The following TENM2 variants were observed in gnomAD, a reference collection of about 807,000 sequenced individuals.
TENM2 encodes teneurin transmembrane protein 2.
In TENM2, 52 loss-of-function variants were observed where a neutral mutation model predicts 245.2. That is an observed-to-expected ratio of 0.21 (90% CI 0.17 to 0.27). The LOEUF (loss-of-function observed/expected upper bound fraction) is 0.27, where lower values mean the gene tolerates loss of function less well. Among genes scored for constraint, TENM2 ranks in the 10% least tolerant of loss-of-function variants. The pLI is 1.00. For synonymous variants in TENM2, 1,363 were observed against 1,438.9 expected (o/e 0.95, Z 1.19); for missense variants, 3,046 against 3,666.8 (o/e 0.83, Z 4.37).
At chr5:168,032,306 A>ATGAT (rs1481770891) in intron 5 of TENM2, among the ~76,000 whole-genome samples, 2 of 152,360 alleles carry the variant, frequency 1.3e-5, no homozygotes, top group East Asian at 3.9e-4. Context: ...CGTGTTAGCT[A>ATGAT]TGATTCTTAC....
At chr5:167,506,131 G>T (rs1419708812) in intron 2 of TENM2, among the ~76,000 whole-genome samples, 5 of 152,194 alleles carry the variant, frequency 3.3e-5, no homozygotes. Context: ...GCAGTGGTTT[G>T]CTGTGATGGA....
chr5:167,633,015 C>A (rs1354620107), intron 2 of TENM2, among the ~76,000 whole-genome samples: 3 of 152,048 alleles, frequency 2.0e-5, no homozygotes, highest in Non-Finnish European at 4.4e-5. Flanking sequence ...TGCAAGACTC[C>A]TAGATTTTGT....
At chr5:167,134,247 A>G in the TENM2 span, among the ~76,000 whole-genome samples, 1 of 152,240 alleles carries the variant, frequency 6.6e-6, no homozygotes, top group Non-Finnish European at 1.5e-5. Context: ...ATGAAACTTA[A>G]AAAGAAACTG....
At chr5:168,231,470 G>A (rs772756412) in intron 25 of TENM2, among the ~76,000 whole-genome samples, 3 of 152,178 alleles carry the variant, frequency 2.0e-5, no homozygotes, top group Non-Finnish European at 4.4e-5. Context: ...AGAGAGTAGG[G>A]TAGAAAAAGA....
the TENM2 span, among the ~76,000 whole-genome samples, chr5:167,196,566 G>GTATATA: frequency 1.4e-5 from 2 of 143,424 alleles, no homozygotes; most frequent in African/African-American, 5.3e-5. Context: ...ATATGTGTGT[G>GTATATA]TATATATATA....
At chr5:168,190,896 C>T (rs572776135) in intron 14 of TENM2, 22 of 174,542 alleles carry the variant, frequency 1.3e-4, no homozygotes, top group African/African-American at 3.3e-4. Context: ...GGCTTTTGTT[C>T]GAGCATTGCT....
At chr5:168,022,522 A>G (rs767324004) in intron 5 of TENM2, among the ~76,000 whole-genome samples, 8 of 151,974 alleles carry the variant, frequency 5.3e-5, no homozygotes, top group Non-Finnish European at 1.0e-4. Flanking sequence ...TCTGGGGCCC[A>G]TTTTTCGCCA....
At chr5:167,205,236 C>A in the TENM2 span, among the ~76,000 whole-genome samples, 1 of 152,212 alleles carries the variant, frequency 6.6e-6, no homozygotes, top group Middle Eastern at 3.4e-3. Context: ...CAAAAATTAG[C>A]TGGGCATGGT....
upstream of TENM2, among the ~76,000 whole-genome samples, chr5:167,283,575 G>C (rs1175612830): frequency 6.6e-6 from 1 of 152,206 alleles, no homozygotes; most frequent in African/African-American, 2.4e-5. Flanking sequence ...CCAAGGAAGA[G>C]CAGAGGGGTT....
At chr5:167,446,911 A>G (rs535224978) in intron 2 of TENM2, among the ~76,000 whole-genome samples, 1 of 152,060 alleles carries the variant, frequency 6.6e-6, no homozygotes, top group Admixed American at 6.6e-5. Flanking sequence ...AGTTTTTCAG[A>G]TTTTTTATAA....
At chr5:167,147,360 A>G in the TENM2 span, among the ~76,000 whole-genome samples, 1 of 152,186 alleles carries the variant, frequency 6.6e-6, no homozygotes, top group Non-Finnish European at 1.5e-5. Context: ...TGCCTTTACC[A>G]AAAGGACTGA....
At chr5:167,249,580 C>T in the TENM2 span, among the ~76,000 whole-genome samples, 1 of 152,052 alleles carries the variant, frequency 6.6e-6, no homozygotes, top group Admixed American at 6.6e-5. Context: ...GGGGATGGTA[C>T]GTTCATTTAT....
intron 1 of TENM2, among the ~76,000 whole-genome samples, chr5:167,342,989 TCTC>T (rs1024860799): frequency 2.6e-5 from 4 of 152,066 alleles, no homozygotes; most frequent in Non-Finnish European, 5.9e-5. Context: ...GGAGCGTTCT[TCTC>T]CTCCATTTAT....
At chr5:167,286,948 CT>C (rs2127712873) in intron 1 of TENM2, among the ~76,000 whole-genome samples, 1 of 152,316 alleles carries the variant, frequency 6.6e-6, no homozygotes, top group East Asian at 1.9e-4. Context: ...AAACTCATAG[CT>C]TTGCAATTAA....
intron 2 of TENM2, among the ~76,000 whole-genome samples, chr5:167,503,404 G>T (rs78042130): frequency 6.6e-6 from 1 of 152,116 alleles, no homozygotes; most frequent in South Asian, 2.1e-4. Context: ...AAAATGGTAC[G>T]GGAGAGTGCA....
intron 4 of TENM2, among the ~76,000 whole-genome samples, chr5:167,972,867 G>A (rs1781896477): frequency 6.6e-6 from 1 of 152,132 alleles, no homozygotes. Flanking sequence ...GATATAGTAT[G>A]AGAAACAGAC....
chr5:167,502,456 C>G (rs1397169381), intron 2 of TENM2, among the ~76,000 whole-genome samples: 6 of 152,088 alleles, frequency 3.9e-5, no homozygotes, highest in African/African-American at 1.2e-4. Flanking sequence ...GTTTATTTGC[C>G]TCATTTTCTT....
intron 2 of TENM2, among the ~76,000 whole-genome samples, chr5:167,765,568 C>T (rs781420498): frequency 5.3e-5 from 8 of 152,190 alleles, no homozygotes; most frequent in Non-Finnish European, 8.8e-5. Context: ...AGGATTAGCA[C>T]GAGCTGGGAA....
chr5:167,203,114 C>T, the TENM2 span, among the ~76,000 whole-genome samples: 1 of 152,162 alleles, frequency 6.6e-6, no homozygotes, highest in South Asian at 2.1e-4. Flanking sequence ...TATTGCCTCC[C>T]AATTATACTT....
Sources: gnomAD v4.1 joint callset for allele counts (sites outside exome capture counted in the v4.1 genomes callset) on GRCh38, gnomAD v4.1.1 for gene constraint, MANE v1.5 for transcripts, NCBI Gene and HGNC (gene_info 2026-07-23, HGNC 2026-07-21) for gene names.